EIF2B3: variants seen among roughly 807,000 people sequenced by gnomAD.
EIF2B3 encodes the protein eukaryotic translation initiation factor 2B subunit gamma.
In EIF2B3, 20 loss-of-function variants were observed where a neutral mutation model predicts 54.1. The ratio of observed to expected loss-of-function variants is 0.37; its 90% CI spans 0.26 to 0.54. The LOEUF (loss-of-function observed/expected upper bound fraction) is 0.54, where lower values mean the gene tolerates loss of function less well. EIF2B3 is among the 20% of genes least tolerant of loss of function. The pLI is 0.86. For synonymous variants in EIF2B3, 153 were observed against 188.1 expected, an observed-to-expected ratio of 0.81 and a Z score of 1.52; for missense variants, 448 against 547.8, an observed-to-expected ratio of 0.82 and a Z score of 1.82.
intron 5 of EIF2B3, among the ~76,000 whole-genome samples, chr1:44,925,956 G>A (rs911090628): frequency 3.3e-5 from 5 of 151,630 alleles, no homozygotes; most frequent in African/African-American, 1.2e-4. Flanking sequence ...TGGGCCGCAC[G>A]GTGGCTCACG....
At chr1:44,898,684 T>C (rs1159308778) in intron 5 of EIF2B3, among the ~76,000 whole-genome samples, 2 of 152,130 alleles carry the variant, frequency 1.3e-5, no homozygotes, top group African/African-American at 4.8e-5. Flanking sequence ...TAGGTTTTTA[T>C]GTTTACTTTT....
At position 44,932,092 on chromosome 1, in the gene EIF2B3, A is replaced by G. The variant is rs529019563; in HGVS notation, c.455-5353T>C. On this transcript the variant is annotated intron_variant, in intron 4 of 11. Transcript: ENST00000360403. ...GTGCCACTGCCTTCTAGCCTGGACA[A>G]CAGAGAGAGACTGTCTCAAAACGAA... Among the ~76,000 whole-genome samples the G allele has an allele frequency of 3.1e-4, 47 of 152,148 alleles. 1 individual carries two copies. The highest frequency in any genetic ancestry group is 1.0e-3 in the African/African-American group (43 of 41,474).
chr1:44,894,402 T>G (rs971487422), intron 6 of EIF2B3, among the ~76,000 whole-genome samples: 3 of 152,080 alleles, frequency 2.0e-5, no homozygotes, highest in African/African-American at 7.2e-5. Context: ...GAAACCCACC[T>G]CTCTTCTTCC....
intron 10 of EIF2B3, among the ~76,000 whole-genome samples, chr1:44,865,881 AC>A (rs1654764338): frequency 6.6e-6 from 1 of 152,022 alleles, no homozygotes; most frequent in Non-Finnish European, 1.5e-5. Context: ...ATTGGTACCA[AC>A]TTTTAAAATT....
At chr1:44,935,920 T>C (rs182273304) in intron 4 of EIF2B3, among the ~76,000 whole-genome samples, 117 of 151,626 alleles carry the variant, frequency 7.7e-4, no homozygotes, top group African/African-American at 2.7e-3. Flanking sequence ...TCCTTGAGGG[T>C]AGGGATATTG....
chr1:44,897,798 G>A (rs559545189), intron 5 of EIF2B3, among the ~76,000 whole-genome samples: 43 of 149,010 alleles, frequency 2.9e-4, no homozygotes, highest in Admixed American at 4.7e-4. Context: ...GTGCAGTGGC[G>A]TGATCTCGGC....
At chr1:44,912,218 T>C (rs1384630749) in intron 5 of EIF2B3, among the ~76,000 whole-genome samples, 5 of 152,210 alleles carry the variant, frequency 3.3e-5, no homozygotes, top group Non-Finnish European at 7.3e-5. Flanking sequence ...ACATCAGTGC[T>C]TGATGGATGC....
At chr1:44,929,619 G>A (rs1643879838) in intron 4 of EIF2B3, among the ~76,000 whole-genome samples, 1 of 152,142 alleles carries the variant, frequency 6.6e-6, no homozygotes, top group African/African-American at 2.4e-5. Context: ...ATGGAAACTT[G>A]AGAATGTAAC....
At chr1:44,945,828 CCTTT>C (rs994175491) in intron 3 of EIF2B3, among the ~76,000 whole-genome samples, 21 of 152,040 alleles carry the variant, frequency 1.4e-4, no homozygotes, top group African/African-American at 3.6e-4. Flanking sequence ...AAAAAAATCC[CCTTT>C]CTATTTTTCT....
intron 1 of EIF2B3, among the ~76,000 whole-genome samples, chr1:44,985,188 A>G (rs1644559661): frequency 6.6e-6 from 1 of 152,192 alleles, no homozygotes; most frequent in Non-Finnish European, 1.5e-5. Context: ...CTTCGTACTA[A>G]TTGAGCCATG....
chr1:44,917,367 C>A (rs1219352748), intron 5 of EIF2B3, among the ~76,000 whole-genome samples: 1 of 151,898 alleles, frequency 6.6e-6, no homozygotes, highest in Admixed American at 6.6e-5. Context: ...GTGGCTCATG[C>A]CTATAATCCC....
At chr1:44,984,740 AGTT>A (rs59133930) in intron 1 of EIF2B3, among the ~76,000 whole-genome samples, 1,693 of 149,684 alleles carry the variant, frequency 0.011, 34 homozygotes, top group African/African-American at 0.039. Context: ...CACTTCACAG[AGTT>A]GTTGTTAAGA....
intron 8 of EIF2B3, among the ~76,000 whole-genome samples, chr1:44,879,010 C>T (rs1655292891): frequency 6.6e-6 from 1 of 152,164 alleles, no homozygotes; most frequent in African/African-American, 2.4e-5. Flanking sequence ...ATCCACCTGC[C>T]TCGGCCTCCC....
intron 3 of EIF2B3, among the ~76,000 whole-genome samples, chr1:44,958,262 G>A (rs140868940): frequency 2.0e-5 from 3 of 152,266 alleles, no homozygotes; most frequent in African/African-American, 7.2e-5. Flanking sequence ...AAAGGCTGAT[G>A]GGACCTAAAG....
At chr1:44,860,392 G>GC (rs1351954747) in intron 10 of EIF2B3, among the ~76,000 whole-genome samples, 1 of 152,022 alleles carries the variant, frequency 6.6e-6, no homozygotes, top group Non-Finnish European at 1.5e-5. Context: ...CAGTGTCCTG[G>GC]CCCCCCATCA....
chr1:44,961,087 G>C (rs1163371234), intron 3 of EIF2B3, among the ~76,000 whole-genome samples: 2 of 151,858 alleles, frequency 1.3e-5, no homozygotes, highest in South Asian at 2.1e-4. Flanking sequence ...TGTCATCCTA[G>C]CAGTCTGGGA....
At chr1:44,874,383 A>T in intron 10 of EIF2B3, 1 of 360,558 alleles carries the variant, frequency 2.8e-6, no homozygotes, top group Non-Finnish European at 5.1e-6. Context: ...CCCCATTTAG[A>T]GCTGTCATTC....
chr1:44,974,788 G>A (rs1000550041), intron 3 of EIF2B3, among the ~76,000 whole-genome samples: 4 of 152,022 alleles, frequency 2.6e-5, no homozygotes, highest in Admixed American at 2.0e-4. Context: ...AGGTCACAGC[G>A]CATAATGCCA....
At chr1:44,949,706 A>T (rs1644140540) in intron 3 of EIF2B3, among the ~76,000 whole-genome samples, 1 of 152,212 alleles carries the variant, frequency 6.6e-6, no homozygotes, top group Non-Finnish European at 1.5e-5. Flanking sequence ...TCTGAAAGGA[A>T]AGAAGTCAAA....
Sources: allele counts gnomAD v4.1 joint callset (sites outside exome capture counted in the v4.1 genomes callset), GRCh38; gene constraint gnomAD v4.1.1; transcripts MANE v1.5; gene names NCBI Gene and HGNC (gene_info 2026-07-23, HGNC 2026-07-21).